The following STK38 variants were observed in gnomAD, a reference collection of about 807,000 sequenced individuals.
STK38 encodes the protein serine/threonine kinase 38, also known as serine/threonine-protein kinase 38.
In STK38, 26 loss-of-function variants were observed where a neutral mutation model predicts 59.0. The ratio of observed to expected loss-of-function variants is 0.44; its 90% CI spans 0.32 to 0.61. The LOEUF is 0.61. Ranked by LOEUF, STK38 falls within the 20% of genes least tolerant of loss-of-function variation. STK38 has a pLI of 0.04. For missense variants in STK38, 433 were observed against 566.0 expected (o/e 0.76, Z 2.38); for synonymous variants, 175 against 176.6 (o/e 0.99, Z 0.07).
At position 36,541,397 on chromosome 6, in the gene STK38, TA is replaced by T. The variant is rs1386460356; in HGVS notation, c.-5-1191del. 2.0e-5 allele frequency among the ~76,000 whole-genome samples: 3 copies of T among 150,724 alleles called. 1 individual carries two copies. The highest frequency in any genetic ancestry group is 2.1e-4 in the South Asian group (1 of 4,790). On this transcript the variant is annotated intron_variant, in intron 1 of 13. Coordinates refer to ENST00000229812, the MANE Select transcript of STK38 (RefSeq NM_007271.4). ...CTAGCCTGGACAACATAGTGAGACC[TA>T]AAAAAAAATATACAGTATGCATACA...
intron 1 of STK38, 82 bp from the exon 2 acceptor site, chr6:36,540,289 T>C (rs1777902795): frequency 1.4e-6 from 2 of 1,393,184 alleles, no homozygotes; most frequent in Non-Finnish European, 2.0e-6. Flanking sequence ...TTGGTAGGAA[T>C]GTAAATTGGT....
chr6:36,511,357 T>C (rs1009318836), intron 7 of STK38, among the ~76,000 whole-genome samples: 13 of 152,008 alleles, frequency 8.6e-5, no homozygotes, highest in African/African-American at 1.9e-4. Context: ...CTTTTTTTTT[T>C]TTCTTCTTTT....
At chr6:36,536,411 AAGTC>A (rs1438769649) in intron 2 of STK38, among the ~76,000 whole-genome samples, 1 of 152,172 alleles carries the variant, frequency 6.6e-6, no homozygotes, top group Non-Finnish European at 1.5e-5. Flanking sequence ...TAGCTAACGT[AAGTC>A]CAGCACTCTG....
At chr6:36,527,205 A>ATATATATATATATATATATAT (rs1401899969) in intron 2 of STK38, among the ~76,000 whole-genome samples, 1 of 112,766 alleles carries the variant, frequency 8.9e-6, no homozygotes. Flanking sequence ...AAAAAAAAAA[A>ATATATATATATATATATATAT]AAATATATGT....
chr6:36,510,986 T>C (rs1316437587), intron 7 of STK38, among the ~76,000 whole-genome samples: 1 of 152,184 alleles, frequency 6.6e-6, no homozygotes, highest in Non-Finnish European at 1.5e-5. Context: ...GTAGGTGTCT[T>C]AGGGTGGCAA....
intron 5 of STK38, among the ~76,000 whole-genome samples, chr6:36,520,029 C>T (rs368637068): frequency 3.0e-4 from 45 of 152,264 alleles, no homozygotes; most frequent in African/African-American, 9.6e-4. Flanking sequence ...GTCAGCCCTA[C>T]CCCAAAATGG....
chr6:36,536,363 T>C (rs933521031), intron 2 of STK38, among the ~76,000 whole-genome samples: 1 of 152,094 alleles, frequency 6.6e-6, no homozygotes, highest in Non-Finnish European at 1.5e-5. Flanking sequence ...AAAATCCTTA[T>C]GACTTGGGGA....
chr6:36,545,932 G>A (rs923214177), intron 1 of STK38, among the ~76,000 whole-genome samples: 7 of 152,124 alleles, frequency 4.6e-5, no homozygotes, highest in Non-Finnish European at 1.0e-4. Context: ...GTTATGCCTG[G>A]CTAACTGACT....
intron 9 of STK38, among the ~76,000 whole-genome samples, chr6:36,502,857 T>C (rs1776873031): frequency 6.6e-6 from 1 of 152,212 alleles, no homozygotes; most frequent in African/African-American, 2.4e-5. Context: ...TTTATTAAAA[T>C]GGTACCATTC....
chr6:36,500,068 A>G (rs1776800598), intron 9 of STK38, 78 bp from the exon 10 acceptor site: 3 of 1,065,510 alleles, frequency 2.8e-6, no homozygotes, highest in Non-Finnish European at 4.4e-6. Context: ...ACCAAAGGCT[A>G]TGAGTAACAT....
intron 7 of STK38, among the ~76,000 whole-genome samples, chr6:36,513,687 T>TA (rs1777170224): frequency 2.0e-5 from 3 of 151,634 alleles, no homozygotes; most frequent in Admixed American, 1.3e-4. Flanking sequence ...TGATGTCCAC[T>TA]ATTCTACTCC....
intron 7 of STK38, among the ~76,000 whole-genome samples, chr6:36,514,194 T>C (rs553130598): frequency 6.8e-6 from 1 of 147,092 alleles, no homozygotes; most frequent in African/African-American, 2.5e-5. Flanking sequence ...TATGCACCTA[T>C]AGTCCCAACT....
Position 36,540,321 on chromosome 6 carries a change from C to T in STK38, c.-5-114G>A, listed in dbSNP as rs57305886. 8,263 of 997,112 alleles carry T rather than the reference C, an allele frequency of 8.3e-3. 427 individuals carry two copies. The African/African-American group carries it at 0.11, about 14-fold the overall frequency. 61.8% of individuals were successfully genotyped at this position (997,112 alleles called of 1,614,324 possible). On this transcript the variant is annotated intron_variant, in intron 1 of 13. Transcript: ENST00000229812. Reference sequence around the variant, plus strand: ...TGGTGCAAGTTTTCTGGAGGACAAACAGGTAATATGTAACAAAAGCCAGAG... The same window carrying T: ...TGGTGCAAGTTTTCTGGAGGACAAATAGGTAATATGTAACAAAAGCCAGAG...
At position 36,545,071 on chromosome 6, in the gene STK38, C is replaced by T. The variant is rs549055120; in HGVS notation, c.-6+2119G>A. Among the ~76,000 whole-genome samples the T allele has an allele frequency of 3.3e-5, 5 of 152,038 alleles. No individual in the cohort carries two copies. In the South Asian group the frequency reaches 1.0e-3, roughly 32 times the overall value. On this transcript the variant is annotated intron_variant, in intron 1 of 13. Coordinates refer to ENST00000229812, the MANE Select transcript of STK38 (RefSeq NM_007271.4). ...TTGGGAGGCTGAGGCAGGTGGATCA[C>T]CTGAAGTCAGGAGTTGGAGACTAGC...
intron 13 of STK38, 62 bp downstream of exon 13, chr6:36,496,649 C>G (rs2127464753): frequency 7.9e-7 from 1 of 1,258,144 alleles, no homozygotes; most frequent in East Asian, 2.3e-5. Flanking sequence ...TAAACATCAT[C>G]CCAAAATTGG....
chr6:36,517,630 A>G, intron 6 of STK38, 87 bp downstream of exon 6: 1 of 1,531,850 alleles, frequency 6.5e-7, no homozygotes, highest in Non-Finnish European at 8.8e-7. Flanking sequence ...AGCACATTTA[A>G]AAGTAGAAAG....
At chr6:36,521,671 AAAAG>A (rs1170930803) in intron 5 of STK38, 59 bp downstream of exon 5, 90 of 1,292,872 alleles carry the variant, frequency 7.0e-5, no homozygotes, top group African/African-American at 3.0e-5. Context: ...CAATTAAACA[AAAAG>A]AAAAGTTTTA....
chr6:36,505,653 T>C (rs1247372908), intron 9 of STK38, among the ~76,000 whole-genome samples: 2 of 152,214 alleles, frequency 1.3e-5, no homozygotes, highest in Non-Finnish European at 2.9e-5. Context: ...CTACCATATA[T>C]GTGGGCAAAC....
At position 36,521,784 on chromosome 6, in the gene STK38, C is replaced by T; in HGVS notation, c.340G>A (p.Val114Met). 1.2e-6 allele frequency: 2 copies of T among 1,611,540 alleles called. No individual in the cohort carries two copies. The highest frequency in any genetic ancestry group is 1.7e-6 in the Non-Finnish European group (2 of 1,179,530). Residue 114 changes from valine to methionine, a missense_variant, in exon 5 of 14, where the codon GTG (valine) becomes ATG (methionine). Physicochemically the swap from Val to Met is conservative, Grantham distance 21 (BLOSUM62 1). Around this residue, in one of 3 missense-constraint regions of STK38, gnomAD observed 293 missense variants for 388.2 expected, o/e 0.75. Transcript: ENST00000229812. ...RLVQKKDTGHVYAMKILRKAD... is the reference protein window; with the variant it reads ...RLVQKKDTGHMYAMKILRKAD... ...TTACGGAGTATTTTCATTGCATACACATGTCCCGTATCTTTCTTCTGAACA... is the reference window on the plus strand; with the variant it reads ...TTACGGAGTATTTTCATTGCATACATATGTCCCGTATCTTTCTTCTGAACA...
Sources: allele counts gnomAD v4.1 joint callset (sites outside exome capture counted in the v4.1 genomes callset), GRCh38; gene constraint gnomAD v4.1.1; regional missense constraint gnomAD v4.1.1; transcripts MANE v1.5; gene names NCBI Gene and HGNC (gene_info 2026-07-23, HGNC 2026-07-21).